Variants in CRYL1 observed in about 807,000 individuals in gnomAD.
CRYL1 encodes the protein crystallin lambda 1.
CRYL1 carries 29 observed loss-of-function variants against 36.6 expected under a neutral mutation model. That is an observed-to-expected ratio of 0.79 (90% CI 0.59 to 1.08). The LOEUF (loss-of-function observed/expected upper bound fraction) is 1.08, where lower values mean the gene tolerates loss of function less well. Ranked by LOEUF, CRYL1 falls within the 50% of genes least tolerant of loss-of-function variation. The pLI, the probability that CRYL1 is intolerant of heterozygous loss-of-function variation, is 0.00. For missense variants in CRYL1, 411 were observed against 407.9 expected (o/e 1.01, Z -0.06); for synonymous variants, 152 against 151.5 (o/e 1.00, Z -0.02).
intron 2 of CRYL1, among the ~76,000 whole-genome samples, chr13:20,490,039 T>A (rs9579874): frequency 0.18 from 27,984 of 151,982 alleles, 2,950 homozygotes; most frequent in Non-Finnish European, 0.24. Flanking sequence ...AATAAGCCAG[T>A]CACAAAAGGA....
At chr13:20,410,708 A>G (rs1252983627) in intron 6 of CRYL1, among the ~76,000 whole-genome samples, 1 of 152,236 alleles carries the variant, frequency 6.6e-6, no homozygotes, top group East Asian at 1.9e-4. Context: ...ACATATATTA[A>G]GGACTTAACA....
chr13:20,486,225 T>A (rs1274782965), intron 3 of CRYL1, among the ~76,000 whole-genome samples: 3 of 152,192 alleles, frequency 2.0e-5, no homozygotes, highest in Non-Finnish European at 4.4e-5. Flanking sequence ...CCAGCCTTCA[T>A]CTTTATTTCT....
At chr13:20,436,137 G>T (rs1015916635) in intron 4 of CRYL1, among the ~76,000 whole-genome samples, 1 of 152,196 alleles carries the variant, frequency 6.6e-6, no homozygotes, top group Non-Finnish European at 1.5e-5. Flanking sequence ...AAGGGGCGGG[G>T]GAGCGGGCTA....
intron 2 of CRYL1, among the ~76,000 whole-genome samples, chr13:20,489,892 T>G (rs2033476020): frequency 6.6e-6 from 1 of 152,098 alleles, no homozygotes; most frequent in Non-Finnish European, 1.5e-5. Context: ...AGAAGCAACC[T>G]AAGCATCCAT....
intron 4 of CRYL1, among the ~76,000 whole-genome samples, chr13:20,438,813 C>T (rs1463875654): frequency 6.6e-6 from 1 of 152,208 alleles, no homozygotes. Flanking sequence ...CCCATTCTAA[C>T]AGGCAGTCCT....
At chr13:20,441,080 G>A (rs1247410904) in intron 3 of CRYL1, among the ~76,000 whole-genome samples, 1 of 152,104 alleles carries the variant, frequency 6.6e-6, no homozygotes, top group Non-Finnish European at 1.5e-5. Context: ...CTGCACCTCT[G>A]GGATCACACC....
chr13:20,443,395 T>C (rs2032388217), intron 3 of CRYL1, among the ~76,000 whole-genome samples: 1 of 152,196 alleles, frequency 6.6e-6, no homozygotes, highest in Non-Finnish European at 1.5e-5. Flanking sequence ...TATTTTTATT[T>C]TTTGTTTTTA....
chr13:20,460,622 T>A (rs999551759), intron 3 of CRYL1, among the ~76,000 whole-genome samples: 4 of 143,624 alleles, frequency 2.8e-5, no homozygotes, highest in Non-Finnish European at 4.5e-5. Context: ...GCCACCCGGG[T>A]TCACGCCATT....
intron 4 of CRYL1, among the ~76,000 whole-genome samples, chr13:20,438,498 C>T (rs2032282849): frequency 6.6e-6 from 1 of 152,200 alleles, no homozygotes; most frequent in African/African-American, 2.4e-5. Flanking sequence ...TCACGATTCT[C>T]CAGACCCAAC....
intron 3 of CRYL1, among the ~76,000 whole-genome samples, chr13:20,484,333 C>T (rs974527325): frequency 6.6e-6 from 1 of 152,156 alleles, no homozygotes; most frequent in African/African-American, 2.4e-5. Context: ...TGCAGCCCGG[C>T]AGAGGCTGCG....
chr13:20,411,283 T>C (rs1477919948), intron 6 of CRYL1, among the ~76,000 whole-genome samples: 1 of 152,222 alleles, frequency 6.6e-6, no homozygotes, highest in Non-Finnish European at 1.5e-5. Flanking sequence ...ACCATTATCA[T>C]ATGAAGCCAA....
intron 5 of CRYL1, chr13:20,430,641 G>C (rs540898659): frequency 1.0e-6 from 1 of 985,018 alleles, no homozygotes; most frequent in Non-Finnish European, 1.2e-6. Context: ...CCTCCCACCC[G>C]ATCCCCTTAC....
intron 6 of CRYL1, among the ~76,000 whole-genome samples, chr13:20,405,647 C>T (rs2031350528): frequency 6.6e-6 from 1 of 152,180 alleles, no homozygotes; most frequent in African/African-American, 2.4e-5. Context: ...CTCATCTGCA[C>T]AAGCCCCCAT....
rs116540892 is a variant in CRYL1, at chr13:20,456,568, A to G, written c.277-16814T>C. Among the ~76,000 whole-genome samples, 1,279 of 151,182 alleles carry G rather than the reference A, an allele frequency of 8.5e-3. 23 individuals are homozygous for G. Among genetic ancestry groups the G allele is most frequent in the African/African-American group, 0.03 (1,215 of 41,078 alleles). ...GAGTTCCAGGCTGCAGTGAGCTATGATCTGTACTCAGGCCTGGGCAAGACC... is the reference window on the plus strand; with the variant it reads ...GAGTTCCAGGCTGCAGTGAGCTATGGTCTGTACTCAGGCCTGGGCAAGACC... On this transcript the variant is annotated intron_variant, in intron 3 of 7. Coordinates refer to ENST00000298248, the MANE Select transcript of CRYL1 (RefSeq NM_015974.3).
At chr13:20,498,815 T>C (rs1368542789) in intron 2 of CRYL1, among the ~76,000 whole-genome samples, 1 of 152,332 alleles carries the variant, frequency 6.6e-6, no homozygotes, top group Non-Finnish European at 1.5e-5. Flanking sequence ...CAGTCTCCTA[T>C]CAAAGAGAAA....
chr13:20,427,039 T>A, intron 5 of CRYL1: 1 of 985,474 alleles, frequency 1.0e-6, no homozygotes, highest in Non-Finnish European at 1.2e-6. Context: ...CCCAGGCACC[T>A]CCACATACCC....
At chr13:20,505,636 T>C (rs968058514) in intron 2 of CRYL1, among the ~76,000 whole-genome samples, 2 of 152,034 alleles carry the variant, frequency 1.3e-5, no homozygotes, top group Non-Finnish European at 2.9e-5. Context: ...TGAGGGACAC[T>C]GGGGGTGTGA....
At chr13:20,427,609 C>T (rs954303669) in intron 5 of CRYL1, among the ~76,000 whole-genome samples, 4 of 152,010 alleles carry the variant, frequency 2.6e-5, no homozygotes, top group East Asian at 3.9e-4. Context: ...CTGCCACCCC[C>T]GCCCCTTTCT....
intron 2 of CRYL1, among the ~76,000 whole-genome samples, chr13:20,506,288 TAAAG>T (rs2033794874): frequency 6.6e-6 from 1 of 152,290 alleles, no homozygotes; most frequent in South Asian, 2.1e-4. Context: ...GTTATAAAAA[TAAAG>T]TACCTGCTAC....
Sources: gnomAD v4.1 joint callset for allele counts (sites outside exome capture counted in the v4.1 genomes callset) on GRCh38, gnomAD v4.1.1 for gene constraint, MANE v1.5 for transcripts, NCBI Gene and HGNC (gene_info 2026-07-23, HGNC 2026-07-21) for gene names.